Variants in LRP6 observed in about 807,000 individuals in gnomAD.
The protein encoded by LRP6 is low-density lipoprotein receptor-related protein 6.
In LRP6, 43 loss-of-function variants were observed where a neutral mutation model predicts 184.1. The observed-to-expected ratio is 0.23, with a 90% confidence interval of 0.18 to 0.30. The LOEUF is 0.30. Among genes scored for constraint, LRP6 ranks in the 10% least tolerant of loss-of-function variants. LRP6 has a pLI of 1.00. For synonymous variants in LRP6, 719 were observed against 684.9 expected (o/e 1.05, Z -0.78); for missense variants, 1,571 against 2,005.3 (o/e 0.78, Z 4.14).
chr12:12,242,372 G>A (rs1182903499), intron 2 of LRP6, among the ~76,000 whole-genome samples: 2 of 152,130 alleles, frequency 1.3e-5, no homozygotes, highest in Non-Finnish European at 2.9e-5. Context: ...CCATTTAACA[G>A]ATATTTCATT....
intron 15 of LRP6, chr12:12,138,823 A>C (rs754560917): frequency 4.9e-6 from 7 of 1,416,234 alleles, no homozygotes; most frequent in Non-Finnish European, 6.6e-6. Flanking sequence ...ACCCTAACTT[A>C]TATATACAAC....
intron 9 of LRP6, among the ~76,000 whole-genome samples, chr12:12,163,896 G>A (rs1399796260): frequency 6.6e-6 from 1 of 152,208 alleles, no homozygotes; most frequent in East Asian, 1.9e-4. Context: ...CACTTTGGGA[G>A]GACGAAGCGG....
intron 2 of LRP6, among the ~76,000 whole-genome samples, chr12:12,235,868 C>T (rs927542084): frequency 5.3e-5 from 8 of 152,106 alleles, no homozygotes; most frequent in African/African-American, 1.9e-4. Flanking sequence ...AGGAGTGGAA[C>T]AGAAAAAGGA....
At chr12:12,144,836 T>C (rs976590409) in intron 15 of LRP6, among the ~76,000 whole-genome samples, 1 of 146,464 alleles carries the variant, frequency 6.8e-6, no homozygotes, top group African/African-American at 2.6e-5. Flanking sequence ...CACCACATGT[T>C]CTCACTCACA....
In LRP6 at chr12:12,244,521, A is replaced by C. The variant is rs1294493887; in HGVS notation, c.190T>G (p.Leu64Val). ...AAVDFVFSHG[L>V]IYWSDVSEEA... ...TCGCTGACATCACTCCAGTATATCA[A>C]GCCATGACTAAACACAAAGTCCACC... The change falls in exon 2 of 23, where the codon TTG becomes GTG. Residue 64 changes from leucine to valine, a missense_variant. Physicochemically the swap from Leu to Val is conservative, Grantham distance 32 (BLOSUM62 1). Transcript: ENST00000261349. 6 of 1,614,102 alleles carry C rather than the reference A, an allele frequency of 3.7e-6. No homozygotes were observed. The highest frequency in any genetic ancestry group is 4.2e-6 in the Non-Finnish European group (5 of 1,180,048).
intron 1 of LRP6, among the ~76,000 whole-genome samples, chr12:12,266,054 G>C (rs1469996844): frequency 6.6e-6 from 1 of 152,116 alleles, no homozygotes; most frequent in Non-Finnish European, 1.5e-5. Context: ...CAAGGGCAAT[G>C]TTTTATTTTA....
At chr12:12,265,666 T>TA (rs1477946646) in intron 1 of LRP6, among the ~76,000 whole-genome samples, 18 of 152,210 alleles carry the variant, frequency 1.2e-4, no homozygotes, top group African/African-American at 4.3e-4. Flanking sequence ...GAGCAGTACT[T>TA]AAATTCCTCT....
chr12:12,168,118 A>G (rs893253637), intron 7 of LRP6, among the ~76,000 whole-genome samples: 1 of 152,082 alleles, frequency 6.6e-6, no homozygotes, highest in Admixed American at 6.6e-5. Flanking sequence ...CCCCTAACTC[A>G]CCTCCCCGCA....
chr12:12,197,440 T>C (rs559263583), intron 3 of LRP6, among the ~76,000 whole-genome samples: 56 of 152,328 alleles, frequency 3.7e-4, no homozygotes, highest in Non-Finnish European at 6.5e-4. Context: ...TGCTACTCAA[T>C]TGGTCATTTT....
intron 12 of LRP6, among the ~76,000 whole-genome samples, chr12:12,155,964 C>A (rs1421868800): frequency 2.0e-5 from 3 of 151,870 alleles, no homozygotes; most frequent in Admixed American, 6.6e-5. Context: ...TTCTAAGGCA[C>A]ATAAGATATG....
At chr12:12,238,199 T>G (rs979822451) in intron 2 of LRP6, among the ~76,000 whole-genome samples, 7 of 150,292 alleles carry the variant, frequency 4.7e-5, no homozygotes, top group African/African-American at 1.7e-4. Context: ...AGAAAGAATT[T>G]TGTATCTAGA....
At chr12:12,245,016 G>C (rs1289698215) in intron 1 of LRP6, among the ~76,000 whole-genome samples, 1 of 152,108 alleles carries the variant, frequency 6.6e-6, no homozygotes, top group African/African-American at 2.4e-5. Flanking sequence ...AAAACAGTTT[G>C]GCAGTTTCCT....
intron 15 of LRP6, among the ~76,000 whole-genome samples, 168 bp downstream of exon 15, chr12:12,147,198 T>C (rs1329710183): frequency 6.6e-6 from 1 of 152,206 alleles, no homozygotes. Context: ...GGAGTAATCA[T>C]GTTGACAGTT....
At chr12:12,161,474 T>C (rs1862740395) in intron 10 of LRP6, among the ~76,000 whole-genome samples, 1 of 152,186 alleles carries the variant, frequency 6.6e-6, no homozygotes, top group Non-Finnish European at 1.5e-5. Flanking sequence ...TTCACCATGT[T>C]GGCCAGGCTG....
chr12:12,260,966 T>C (rs117232823), intron 1 of LRP6, among the ~76,000 whole-genome samples: 452 of 152,274 alleles, frequency 3.0e-3, no homozygotes, highest in Non-Finnish European at 4.1e-3. Flanking sequence ...ACAAAAAATA[T>C]ACGTTCTCAT....
intron 15 of LRP6, among the ~76,000 whole-genome samples, chr12:12,145,965 T>C (rs1591883886): frequency 6.6e-6 from 1 of 152,252 alleles, no homozygotes; most frequent in Non-Finnish European, 1.5e-5. Flanking sequence ...TATATATACA[T>C]ACACTGTGTA....
intron 15 of LRP6, among the ~76,000 whole-genome samples, chr12:12,143,697 CCT>C (rs1393843071): frequency 4.6e-5 from 7 of 152,112 alleles, no homozygotes; most frequent in Non-Finnish European, 8.8e-5. Flanking sequence ...CATTTTAACC[CCT>C]GCCTCACACT....
chr12:12,133,911 T>C lies in LRP6; in HGVS notation c.3733+1264A>G, dbSNP rs1345716851. Among the ~76,000 whole-genome samples, 5 of 137,712 alleles carry C rather than the reference T, an allele frequency of 3.6e-5. No homozygotes were observed. In the South Asian group the frequency reaches 9.5e-4, roughly 26 times the overall value. 90.3% of individuals were successfully genotyped at this position (137,712 alleles called of 152,430 possible). On this transcript the variant is annotated intron_variant, in intron 17 of 22. Coordinates refer to ENST00000261349, the MANE Select transcript of LRP6 (RefSeq NM_002336.3). ...ACCAATTTAACCACTTTAAAGTGCATAGCTCAATGACATTAAGTACATTCA... is the reference window on the plus strand; with the variant it reads ...ACCAATTTAACCACTTTAAAGTGCACAGCTCAATGACATTAAGTACATTCA...
intron 1 of LRP6, among the ~76,000 whole-genome samples, chr12:12,259,262 CAAA>C (rs535352023): frequency 8.4e-5 from 5 of 59,218 alleles, no homozygotes; most frequent in Admixed American, 1.9e-4. Context: ...GACTCCATCT[CAAA>C]AAAAAAAAAA....
Sources: allele counts gnomAD v4.1 joint callset (sites outside exome capture counted in the v4.1 genomes callset), GRCh38; gene constraint gnomAD v4.1.1; transcripts MANE v1.5; gene names NCBI Gene and HGNC (gene_info 2026-07-23, HGNC 2026-07-21).